STK32B: variants seen among roughly 807,000 people sequenced by gnomAD.
STK32B encodes serine/threonine-protein kinase 32B.
In STK32B, 43 loss-of-function variants were observed where a neutral mutation model predicts 52.6. The observed-to-expected ratio is 0.82, with a 90% CI of 0.64 to 1.05. STK32B has a LOEUF of 1.05. Ranked by LOEUF, STK32B falls within the 50% of genes least tolerant of loss-of-function variation. STK32B has a pLI of 0.00. For synonymous variants in STK32B, 238 were observed against 204.3 expected (o/e 1.17, Z -1.41); for missense variants, 621 against 534.6 (o/e 1.16, Z -1.59).
At chr4:5,165,067 C>T (rs1329050308) in intron 2 of STK32B, among the ~76,000 whole-genome samples, 1 of 152,152 alleles carries the variant, frequency 6.6e-6, no homozygotes, top group Admixed American at 6.5e-5. Flanking sequence ...TCTCTTTGCT[C>T]TGTGTTCCTG....
chr4:5,404,522 C>T (rs915621081), intron 5 of STK32B, among the ~76,000 whole-genome samples: 1 of 152,088 alleles, frequency 6.6e-6, no homozygotes, highest in Non-Finnish European at 1.5e-5. Context: ...ACACGAATAT[C>T]GACCACTACT....
At chr4:5,072,950 ATAAAG>A (rs1451400364) in intron 1 of STK32B, among the ~76,000 whole-genome samples, 2 of 152,186 alleles carry the variant, frequency 1.3e-5, no homozygotes, top group Non-Finnish European at 2.9e-5. Context: ...CTTTATCATT[ATAAAG>A]TATTCTCTTT....
intron 3 of STK32B, among the ~76,000 whole-genome samples, chr4:5,233,431 A>G (rs1724412455): frequency 6.6e-6 from 1 of 152,160 alleles, no homozygotes; most frequent in African/African-American, 2.4e-5. Context: ...CTTGTAAAGA[A>G]AGGGGACAGC....
At chr4:5,250,593 G>A (rs111845622) in intron 3 of STK32B, among the ~76,000 whole-genome samples, 2,375 of 152,212 alleles carry the variant, frequency 0.016, 57 homozygotes, top group African/African-American at 0.053. Context: ...GATTACAGGC[G>A]TGAGCCACCG....
At chr4:5,364,538 CTGAT>C (rs896575376) in intron 4 of STK32B, among the ~76,000 whole-genome samples, 10 of 152,190 alleles carry the variant, frequency 6.6e-5, no homozygotes, top group African/African-American at 2.4e-4. Context: ...AGAGAAGACT[CTGAT>C]TGGTTATTTT....
At chr4:5,225,107 C>G (rs540876194) in intron 3 of STK32B, among the ~76,000 whole-genome samples, 18 of 151,974 alleles carry the variant, frequency 1.2e-4, no homozygotes, top group African/African-American at 4.3e-4. Context: ...ATATATCTAC[C>G]AATAATTACA....
At chr4:5,194,108 T>C (rs1169936568) in intron 3 of STK32B, among the ~76,000 whole-genome samples, 1 of 152,192 alleles carries the variant, frequency 6.6e-6, no homozygotes, top group Non-Finnish European at 1.5e-5. Flanking sequence ...CACTTGCCTG[T>C]TTGATTTCAG....
At chr4:5,443,745 G>C (rs909101912) in intron 6 of STK32B, among the ~76,000 whole-genome samples, 1 of 151,934 alleles carries the variant, frequency 6.6e-6, no homozygotes, top group Non-Finnish European at 1.5e-5. Flanking sequence ...TCTACTTTTG[G>C]TCTTTGATGA....
chr4:5,154,171 A>T (rs1054281485), intron 2 of STK32B, among the ~76,000 whole-genome samples: 12 of 151,986 alleles, frequency 7.9e-5, no homozygotes, highest in Admixed American at 5.2e-4. Flanking sequence ...GAGTCCTACT[A>T]ATCTATGGCT....
intron 6 of STK32B, among the ~76,000 whole-genome samples, chr4:5,419,615 C>G (rs1442082375): frequency 1.3e-5 from 2 of 152,210 alleles, no homozygotes; most frequent in Admixed American, 6.5e-5. Flanking sequence ...CCATAGAATG[C>G]TGCTTTGTTG....
the STK32B span, among the ~76,000 whole-genome samples, chr4:5,044,233 G>A: frequency 5.3e-5 from 8 of 152,008 alleles, no homozygotes; most frequent in African/African-American, 1.7e-4. Context: ...GGAGTCCTAG[G>A]GTTGATCCTT....
At chr4:5,485,803 A>G (rs1719131448) in intron 11 of STK32B, among the ~76,000 whole-genome samples, 1 of 152,118 alleles carries the variant, frequency 6.6e-6, no homozygotes, top group Non-Finnish European at 1.5e-5. Context: ...TTTCCTTCTA[A>G]CAGTCAGGAC....
intron 3 of STK32B, among the ~76,000 whole-genome samples, chr4:5,171,070 T>C (rs578055404): frequency 4.6e-5 from 7 of 152,210 alleles, no homozygotes; most frequent in Non-Finnish European, 8.8e-5. Flanking sequence ...ATGATGAGCA[T>C]TTTTTCATGT....
chr4:5,445,479 A>G (rs1715313691), intron 6 of STK32B, among the ~76,000 whole-genome samples: 4 of 152,154 alleles, frequency 2.6e-5, no homozygotes, highest in South Asian at 2.1e-4. Flanking sequence ...CACATAGACA[A>G]TTAGACCCTA....
At chr4:5,245,047 T>A (rs1725339252) in intron 3 of STK32B, among the ~76,000 whole-genome samples, 1 of 152,218 alleles carries the variant, frequency 6.6e-6, no homozygotes, top group African/African-American at 2.4e-5. Context: ...ATGTGTATTC[T>A]GTTGATTTGG....
chr4:5,366,299 C>T (rs1342922471), intron 4 of STK32B, among the ~76,000 whole-genome samples: 1 of 151,778 alleles, frequency 6.6e-6, no homozygotes, highest in African/African-American at 2.4e-5. Context: ...TGTTCCTTCA[C>T]AGTTCATTCT....
chr4:5,145,774 C>T (rs2108839446), intron 2 of STK32B, among the ~76,000 whole-genome samples: 1 of 152,244 alleles, frequency 6.6e-6, no homozygotes, highest in Admixed American at 6.5e-5. Flanking sequence ...AGACTGTTTT[C>T]AACCAGACTG....
At chr4:5,397,051 G>A (rs993185355) in intron 4 of STK32B, among the ~76,000 whole-genome samples, 3 of 152,202 alleles carry the variant, frequency 2.0e-5, no homozygotes, top group African/African-American at 7.2e-5. Context: ...TATAGGTTGA[G>A]CGCTTCTTTC....
intron 3 of STK32B, among the ~76,000 whole-genome samples, chr4:5,302,801 T>C (rs1729651239): frequency 6.6e-6 from 1 of 151,854 alleles, no homozygotes; most frequent in East Asian, 1.9e-4. Context: ...ATCATTCTTA[T>C]TCCTTTGCAT....
Sources: gnomAD v4.1 joint callset for allele counts (sites outside exome capture counted in the v4.1 genomes callset) on GRCh38, gnomAD v4.1.1 for gene constraint, MANE v1.5 for transcripts, NCBI Gene and HGNC (gene_info 2026-07-23, HGNC 2026-07-21) for gene names.